LGR6: variants seen among roughly 807,000 people sequenced by gnomAD.
The protein encoded by LGR6 is leucine-rich repeat-containing G protein-coupled receptor 6.
In LGR6, 45 loss-of-function variants were observed where a neutral mutation model predicts 69.4. That is an observed-to-expected ratio of 0.65 (90% CI 0.51 to 0.83). The LOEUF is 0.83. LGR6 is among the 40% of genes least tolerant of loss of function. The probability of loss-of-function intolerance (pLI) is 0.00; values close to 1 mark genes in which losing one functional copy is unlikely to be tolerated. For synonymous variants in LGR6, 538 were observed against 555.0 expected, an observed-to-expected ratio of 0.97 and a Z score of 0.43; for missense variants, 1,108 against 1,246.7, an observed-to-expected ratio of 0.89 and a Z score of 1.68.
At chr1:202,243,146 C>G (rs1485680812) in intron 4 of LGR6, among the ~76,000 whole-genome samples, 1 of 152,194 alleles carries the variant, frequency 6.6e-6, no homozygotes, top group Non-Finnish European at 1.5e-5. Flanking sequence ...AATGAGATGA[C>G]AAGCCTTGGG....
intron 6 of LGR6, among the ~76,000 whole-genome samples, chr1:202,283,584 T>C (rs1014477587): frequency 6.6e-6 from 1 of 152,154 alleles, no homozygotes; most frequent in Non-Finnish European, 1.5e-5. Flanking sequence ...GCTGGAGCTG[T>C]GGTTTGGCTC....
At chr1:202,240,906 T>G (rs1662142334) in intron 4 of LGR6, among the ~76,000 whole-genome samples, 1 of 152,204 alleles carries the variant, frequency 6.6e-6, no homozygotes, top group Non-Finnish European at 1.5e-5. Context: ...AAAGCTCCCC[T>G]AAAGCTACAT....
intron 6 of LGR6, among the ~76,000 whole-genome samples, chr1:202,282,992 A>G (rs1264548902): frequency 6.6e-6 from 1 of 152,226 alleles, no homozygotes; most frequent in African/African-American, 2.4e-5. Context: ...CACTTCTACC[A>G]GCTGTGTGAC....
At chr1:202,266,164 A>C (rs1395545130) in intron 4 of LGR6, among the ~76,000 whole-genome samples, 3 of 152,040 alleles carry the variant, frequency 2.0e-5, no homozygotes, top group African/African-American at 4.8e-5. Context: ...ATATTATCCA[A>C]ATGGTAGAAT....
intron 1 of LGR6, 91 bp downstream of exon 1, chr1:202,194,292 C>A: frequency 1.1e-6 from 1 of 916,808 alleles, no homozygotes; most frequent in Non-Finnish European, 1.6e-6. Context: ...TTGCTTGGTG[C>A]CCTGGGGCAT....
chr1:202,307,073 C>G, intron 13 of LGR6, 134 bp downstream of exon 13: 1 of 784,024 alleles, frequency 1.3e-6, no homozygotes. Context: ...CCACAGCCCC[C>G]ACCCCCAGCA....
At chr1:202,214,184 G>A (rs1360547013) in intron 1 of LGR6, 4 of 1,529,480 alleles carry the variant, frequency 2.6e-6, no homozygotes, top group Non-Finnish European at 3.5e-6. Flanking sequence ...GCCGCTCAGC[G>A]AGGGCGGGAC....
intron 4 of LGR6, among the ~76,000 whole-genome samples, chr1:202,267,027 T>C (rs1321442757): frequency 6.6e-6 from 1 of 152,224 alleles, no homozygotes; most frequent in Admixed American, 6.5e-5. Context: ...GTGGAACGCC[T>C]GGCTAATTTC....
chr1:202,303,286 A>G lies in LGR6; in HGVS notation c.937A>G (p.Asn313Asp), dbSNP rs371568966. 1.4e-5 allele frequency: 23 copies of G among 1,613,690 alleles called. No individual in the cohort carries two copies. In the African/African-American group the frequency reaches 2.9e-4, roughly 21 times the overall value. Residue 313 changes from asparagine to aspartate, a missense_variant, in exon 10 of 18, where the codon AAT becomes GAT. Transcript: ENST00000367278. ...CATTGTCTCTATTTCCAGATCTCTG[A>G]ATGGTGCCATGGACATCCAGGAGTT... ...YLPKLHTLSL[N>D]GAMDIQEFPD...
intron 6 of LGR6, among the ~76,000 whole-genome samples, chr1:202,288,603 A>T (rs949191937): frequency 6.6e-6 from 1 of 152,056 alleles, no homozygotes; most frequent in Non-Finnish European, 1.5e-5. Flanking sequence ...ATACTCCGAG[A>T]TATGCAGTCT....
At chr1:202,254,047 C>T (rs1437263010) in intron 4 of LGR6, among the ~76,000 whole-genome samples, 2 of 151,788 alleles carry the variant, frequency 1.3e-5, no homozygotes. Context: ...CCTCGTGATC[C>T]GCCCGCCTCG....
chr1:202,196,443 C>G (rs1369018132), intron 1 of LGR6, among the ~76,000 whole-genome samples: 1 of 152,130 alleles, frequency 6.6e-6, no homozygotes, highest in Admixed American at 6.5e-5. Flanking sequence ...TGGCCCTGCC[C>G]CATGTATCCC....
At position 202,229,102 on chromosome 1, in the gene LGR6, G is replaced by A. The variant is rs114114434; in HGVS notation, c.356+1095G>A. On this transcript the variant is annotated intron_variant, in intron 3 of 17. Coordinates refer to ENST00000367278, the MANE Select transcript of LGR6 (RefSeq NM_001017403.2). The stretch of plus-strand genomic sequence containing the variant: ...TGATGGGCTAGTGGTGGTCCTGCCC[G>A]CCTTGGCCCATGAGTTCCAGGCTTC... Among the ~76,000 whole-genome samples, 1,161 of 152,222 alleles carry A rather than the reference G, an allele frequency of 7.6e-3. 20 individuals carry two copies. Among genetic ancestry groups the A allele is most frequent in the African/African-American group, 0.027 (1,133 of 41,522 alleles).
intron 1 of LGR6, among the ~76,000 whole-genome samples, chr1:202,204,711 CTAACACACACCTCCTT>C (rs1558004025): frequency 1.9e-4 from 25 of 133,426 alleles, no homozygotes; most frequent in Non-Finnish European, 2.7e-4. Flanking sequence ...ACACACACAC[CTAACACACACCTCCTT>C]CAAACACACA....
At chr1:202,248,381 A>G (rs1345179119) in intron 4 of LGR6, among the ~76,000 whole-genome samples, 1 of 152,214 alleles carries the variant, frequency 6.6e-6, no homozygotes, top group African/African-American at 2.4e-5. Context: ...GGGATGATCT[A>G]TTTATGAGCC....
At chr1:202,291,329 A>G (rs1418425669) in intron 6 of LGR6, among the ~76,000 whole-genome samples, 2 of 152,178 alleles carry the variant, frequency 1.3e-5, no homozygotes, top group East Asian at 1.9e-4. Flanking sequence ...CTATTAAGCC[A>G]TGGATGAGTT....
chr1:202,247,360 G>C (rs1278876800), intron 4 of LGR6, among the ~76,000 whole-genome samples: 1 of 152,212 alleles, frequency 6.6e-6, no homozygotes, highest in African/African-American at 2.4e-5. Context: ...GGGAATCACT[G>C]TTCTTTTGTT....
At chr1:202,297,668 ACCTCCCATGGT>A in intron 7 of LGR6, 92 bp downstream of exon 7, 1 of 960,830 alleles carries the variant, frequency 1.0e-6, no homozygotes, top group Non-Finnish European at 1.6e-6. Context: ...TTACCTCCTC[ACCTCCCATGGT>A]CCTTATAAAA....
intron 5 of LGR6, among the ~76,000 whole-genome samples, chr1:202,280,242 C>G (rs924897825): frequency 6.6e-6 from 1 of 152,160 alleles, no homozygotes; most frequent in African/African-American, 2.4e-5. Context: ...AGGCCCTGCT[C>G]TGGATCACCA....
Sources: gnomAD v4.1 joint callset for allele counts (sites outside exome capture counted in the v4.1 genomes callset) on GRCh38, gnomAD v4.1.1 for gene constraint, MANE v1.5 for transcripts, NCBI Gene and HGNC (gene_info 2026-07-23, HGNC 2026-07-21) for gene names.